Variants in PTGES3 observed in about 807,000 individuals in gnomAD.
The protein encoded by PTGES3 is prostaglandin E synthase 3.
In PTGES3, 5 loss-of-function variants were observed where a neutral mutation model predicts 29.9. That is an observed-to-expected ratio of 0.17 (90% confidence interval 0.09 to 0.35). The LOEUF is 0.35. Ranked by LOEUF, PTGES3 falls within the 10% of genes least tolerant of loss-of-function variation. The pLI, the probability that PTGES3 is intolerant of heterozygous loss-of-function variation, is 1.00. For synonymous variants in PTGES3, 49 were observed against 57.8 expected, an observed-to-expected ratio of 0.85 and a Z score of 0.69; for missense variants, 128 against 190.0, an observed-to-expected ratio of 0.67 and a Z score of 1.92.
At position 56,664,291 on chromosome 12, in the gene PTGES3, C is replaced by A. The variant is rs534744644; in HGVS notation, c.*188G>T. ...TATTGCCTTAGCTGACTTAAAATTG[C>A]CCCATACAATGGTACATATCAACCC... On this transcript the variant is annotated 3_prime_UTR_variant, in exon 8 of 8. Transcript: ENST00000262033. 29 of 552,258 alleles carry A rather than the reference C, an allele frequency of 5.3e-5. 2 individuals are homozygous for A. In the South Asian group the frequency reaches 5.8e-4, roughly 11 times the overall value. 34.2% of individuals were successfully genotyped at this position (552,258 alleles called of 1,614,324 possible). A position where few individuals can be genotyped will look rare whatever the true frequency, so the allele number is the denominator to read the frequency against.
chr12:56,676,710 G>A (rs1204184331), intron 1 of PTGES3, among the ~76,000 whole-genome samples: 3 of 151,982 alleles, frequency 2.0e-5, no homozygotes, highest in Admixed American at 1.3e-4. Context: ...GCCAAGGCAG[G>A]TAAATCACTT....
At chr12:56,676,231 C>CA (rs149558664) in intron 1 of PTGES3, among the ~76,000 whole-genome samples, 75,476 of 122,740 alleles carry the variant, frequency 0.61, 22,360 homozygotes, top group South Asian at 0.72. Context: ...GTCTCCCCCC[C>CA]CAAAAAAAAA....
chr12:56,676,395 C>G (rs940868697), intron 1 of PTGES3, among the ~76,000 whole-genome samples: 1 of 151,992 alleles, frequency 6.6e-6, no homozygotes, highest in African/African-American at 2.4e-5. Context: ...ATTATATAAT[C>G]TAAACTAGCT....
chr12:56,680,081 T>G (rs1228776026), intron 1 of PTGES3, among the ~76,000 whole-genome samples: 1 of 151,156 alleles, frequency 6.6e-6, no homozygotes, highest in Non-Finnish European at 1.5e-5. Context: ...GGTTTTGGTT[T>G]TTTTTTTTTT....
At chr12:56,664,940 C>T in intron 6 of PTGES3, 140 bp from the exon 7 acceptor site, 2 of 1,414,594 alleles carry the variant, frequency 1.4e-6, no homozygotes, top group Non-Finnish European at 1.9e-6. Flanking sequence ...GAAATTTAGT[C>T]ATTGGACTTG....
intron 5 of PTGES3, 65 bp downstream of exon 5, chr12:56,670,210 A>T: frequency 8.9e-7 from 1 of 1,118,114 alleles, no homozygotes; most frequent in Non-Finnish European, 1.4e-6. Context: ...AAACCATATT[A>T]AATTGACTAC....
At chr12:56,670,024 G>C (rs1489601346) in intron 5 of PTGES3, among the ~76,000 whole-genome samples, 1 of 148,966 alleles carries the variant, frequency 6.7e-6, no homozygotes, top group East Asian at 2.0e-4. Context: ...AGCTGTGTTA[G>C]TTTGTCTTAA....
chr12:56,677,248 C>CAAA (rs35136696), intron 1 of PTGES3, among the ~76,000 whole-genome samples: 1 of 110,084 alleles, frequency 9.1e-6, no homozygotes, highest in East Asian at 2.6e-4. Context: ...CCGCACCACC[C>CAAA]AAAAAAAAAA....
At chr12:56,678,247 G>A (rs563742374) in intron 1 of PTGES3, among the ~76,000 whole-genome samples, 6 of 152,076 alleles carry the variant, frequency 3.9e-5, no homozygotes, top group Non-Finnish European at 7.4e-5. Context: ...GCGTGATCTC[G>A]GCTCACAGCA....
intron 5 of PTGES3, 47 bp downstream of exon 5, chr12:56,670,228 G>T: frequency 8.0e-7 from 1 of 1,250,672 alleles, no homozygotes; most frequent in Non-Finnish European, 1.2e-6. Flanking sequence ...TACATAGACA[G>T]GTACCGTGTG....
intron 6 of PTGES3, chr12:56,665,035 A>C: frequency 1.0e-6 from 1 of 985,448 alleles, no homozygotes. Context: ...GTGACAATTT[A>C]GCCCACCCGT....
intron 5 of PTGES3, 69 bp from the exon 6 acceptor site, chr12:56,666,335 C>T: frequency 1.7e-5 from 26 of 1,551,094 alleles, no homozygotes; most frequent in Non-Finnish European, 2.2e-5. Context: ...ATGCTGTATG[C>T]TTCAGAATAA....
intron 4 of PTGES3, among the ~76,000 whole-genome samples, chr12:56,671,240 A>C (rs1229891147): frequency 6.6e-6 from 1 of 152,132 alleles, no homozygotes; most frequent in Admixed American, 6.6e-5. Flanking sequence ...TCTACAAAAA[A>C]TACAAAAATT....
chr12:56,673,788 TCAAA>T (rs760580387), intron 1 of PTGES3, among the ~76,000 whole-genome samples: 4 of 47,870 alleles, frequency 8.4e-5, no homozygotes, highest in Non-Finnish European at 1.5e-4. Flanking sequence ...CGAGACTGTC[TCAAA>T]AAAAAAAAAA....
chr12:56,680,342 T>C (rs1952471981), intron 1 of PTGES3, among the ~76,000 whole-genome samples: 2 of 151,692 alleles, frequency 1.3e-5, no homozygotes, highest in Non-Finnish European at 2.9e-5. Flanking sequence ...CCCAAAGTGG[T>C]GGGATTATAG....
At position 56,674,803 on chromosome 12, in the gene PTGES3, G is replaced by A. The variant is rs375932103; in HGVS notation, c.3-1738C>T. 3.3e-4 allele frequency among the ~76,000 whole-genome samples: 36 copies of A among 108,522 alleles called. 1 individual carries two copies. The highest frequency in any genetic ancestry group is 1.2e-3 in the African/African-American group (35 of 28,650). The allele number at this position is 108,522 out of a possible 152,430, so 71.2% of individuals were successfully genotyped here. ...ATCAGGCCACCGCACCCCAGCCTGG[G>A]CAACAGAGCAAGACTCCATCTCAAA... On this transcript the variant is annotated intron_variant, in intron 1 of 7. Coordinates refer to ENST00000262033, the MANE Select transcript of PTGES3 (RefSeq NM_006601.7).
chr12:56,678,528 T>C (rs1952374186), intron 1 of PTGES3, among the ~76,000 whole-genome samples: 1 of 152,198 alleles, frequency 6.6e-6, no homozygotes, highest in Non-Finnish European at 1.5e-5. Context: ...AACTATCAAA[T>C]GGATTAAAAT....
At chr12:56,669,150 C>T (rs1951899886) in intron 5 of PTGES3, among the ~76,000 whole-genome samples, 1 of 151,614 alleles carries the variant, frequency 6.6e-6, no homozygotes, top group South Asian at 2.1e-4. Context: ...GCTGGGATTA[C>T]AGGCGTGCAC....
At chr12:56,681,165 C>G (rs1454071994) in intron 1 of PTGES3, among the ~76,000 whole-genome samples, 2 of 152,054 alleles carry the variant, frequency 1.3e-5, no homozygotes, top group African/African-American at 4.8e-5. Flanking sequence ...CTCGTGAACC[C>G]CAATCCTATT....
Sources: allele counts gnomAD v4.1 joint callset (sites outside exome capture counted in the v4.1 genomes callset), GRCh38; gene constraint gnomAD v4.1.1; transcripts MANE v1.5; gene names NCBI Gene and HGNC (gene_info 2026-07-23, HGNC 2026-07-21).